The following TENM2 variants were observed in gnomAD, a reference collection of about 807,000 sequenced individuals.
TENM2 encodes the protein teneurin-2.
TENM2 carries 52 observed loss-of-function variants against 245.2 expected under a neutral mutation model. The observed-to-expected ratio is 0.21, with a 90% CI of 0.17 to 0.27. TENM2 has a LOEUF of 0.27. TENM2 is among the 10% of genes least tolerant of loss of function. The probability of loss-of-function intolerance (pLI) is 1.00; values close to 1 mark genes in which losing one functional copy is unlikely to be tolerated. For missense variants in TENM2, 3,046 were observed against 3,666.8 expected, an observed-to-expected ratio of 0.83 and a Z score of 4.37; for synonymous variants, 1,363 against 1,438.9, an observed-to-expected ratio of 0.95 and a Z score of 1.19.
At chr5:167,909,068 CTTTT>C (rs66529660) in intron 3 of TENM2, among the ~76,000 whole-genome samples, 1 of 135,532 alleles carries the variant, frequency 7.4e-6, no homozygotes, top group Non-Finnish European at 1.6e-5. Flanking sequence ...TTTTCTCTCT[CTTTT>C]TTTTTTTTTT....
chr5:167,163,299 T>C, the TENM2 span, among the ~76,000 whole-genome samples: 22,864 of 152,062 alleles, frequency 0.15, 4,856 homozygotes, highest in African/African-American at 0.46. Context: ...GTGATGTTGC[T>C]CAGGCTGGTC....
chr5:167,335,559 C>G (rs1757706454), intron 1 of TENM2, among the ~76,000 whole-genome samples: 1 of 152,124 alleles, frequency 6.6e-6, no homozygotes, highest in African/African-American at 2.4e-5. Context: ...AGAATAAAGC[C>G]TAGTTTATCA....
At chr5:167,479,251 A>T (rs1301816253) in intron 2 of TENM2, among the ~76,000 whole-genome samples, 1 of 152,196 alleles carries the variant, frequency 6.6e-6, no homozygotes, top group African/African-American at 2.4e-5. Flanking sequence ...GCTGGATTTT[A>T]TTCTACTCAA....
At chr5:167,249,347 T>C in the TENM2 span, among the ~76,000 whole-genome samples, 1 of 152,214 alleles carries the variant, frequency 6.6e-6, no homozygotes, top group African/African-American at 2.4e-5. Flanking sequence ...TTATGGCAGC[T>C]GGCTATGCCA....
the TENM2 span, among the ~76,000 whole-genome samples, chr5:167,094,020 A>G: frequency 3.9e-5 from 6 of 152,224 alleles, no homozygotes; most frequent in Non-Finnish European, 7.3e-5. Flanking sequence ...TTAACAGACA[A>G]TAAGAATAAA....
At chr5:167,871,062 T>C (rs1459395023) in intron 2 of TENM2, among the ~76,000 whole-genome samples, 1 of 152,140 alleles carries the variant, frequency 6.6e-6, no homozygotes, top group African/African-American at 2.4e-5. Context: ...GAGATTGTAG[T>C]CCTTTGGTCT....
At chr5:167,455,372 T>C (rs1323606243) in intron 2 of TENM2, among the ~76,000 whole-genome samples, 1 of 152,060 alleles carries the variant, frequency 6.6e-6, no homozygotes, top group Non-Finnish European at 1.5e-5. Flanking sequence ...ATATCGAATT[T>C]CCTGAAAAAG....
At chr5:167,954,890 C>T (rs921981297) in intron 4 of TENM2, among the ~76,000 whole-genome samples, 4 of 152,130 alleles carry the variant, frequency 2.6e-5, no homozygotes, top group Non-Finnish European at 4.4e-5. Flanking sequence ...GGGTTGGTTC[C>T]AAGTCTCTGC....
intron 2 of TENM2, among the ~76,000 whole-genome samples, chr5:167,704,506 C>T (rs780753213): frequency 2.6e-5 from 4 of 151,944 alleles, no homozygotes; most frequent in Non-Finnish European, 5.9e-5. Flanking sequence ...AATGTTTCAC[C>T]CTCCTGCATC....
At chr5:168,091,561 A>G (rs1402187878) in intron 8 of TENM2, among the ~76,000 whole-genome samples, 1 of 152,248 alleles carries the variant, frequency 6.6e-6, no homozygotes, top group African/African-American at 2.4e-5. Flanking sequence ...GGGATTTTTA[A>G]TCTTCTCCTG....
intron 12 of TENM2, among the ~76,000 whole-genome samples, chr5:168,147,123 A>G (rs952941513): frequency 2.6e-5 from 4 of 152,270 alleles, no homozygotes; most frequent in African/African-American, 7.2e-5. Context: ...TTGACTTTCT[A>G]TCAGAGTTCA....
At chr5:167,678,736 C>T (rs768542600) in intron 2 of TENM2, among the ~76,000 whole-genome samples, 1 of 152,064 alleles carries the variant, frequency 6.6e-6, no homozygotes, top group East Asian at 1.9e-4. Context: ...GCAGACAAGA[C>T]GCCTTCTCTC....
At chr5:168,168,419 C>A (rs781162828) in intron 13 of TENM2, among the ~76,000 whole-genome samples, 1 of 152,152 alleles carries the variant, frequency 6.6e-6, no homozygotes, top group Non-Finnish European at 1.5e-5. Context: ...GTGGCTCACG[C>A]CCGTAATCCT....
chr5:167,650,837 G>C (rs1411112847), intron 2 of TENM2, among the ~76,000 whole-genome samples: 1 of 152,140 alleles, frequency 6.6e-6, no homozygotes, highest in Non-Finnish European at 1.5e-5. Context: ...GATCTGTGAA[G>C]GCAAGCCAGT....
At chr5:167,911,714 G>T (rs964716226) in intron 3 of TENM2, among the ~76,000 whole-genome samples, 12 of 152,082 alleles carry the variant, frequency 7.9e-5, no homozygotes, top group Non-Finnish European at 1.2e-4. Context: ...AGTCATTCAC[G>T]CAGCGAATAT....
chr5:167,729,460 C>A, intron 2 of TENM2, among the ~76,000 whole-genome samples: 1 of 151,926 alleles, frequency 6.6e-6, no homozygotes, highest in East Asian at 1.9e-4. Context: ...AAATTAATAC[C>A]CTTATTTAGC....
At chr5:168,000,079 A>G (rs1200797313) in intron 5 of TENM2, among the ~76,000 whole-genome samples, 6 of 152,168 alleles carry the variant, frequency 3.9e-5, no homozygotes, top group Non-Finnish European at 8.8e-5. Flanking sequence ...ATCCATCCAG[A>G]AGCAGTAATA....
At chr5:167,452,932 TATATATATATA>T (rs1392740750) in intron 2 of TENM2, among the ~76,000 whole-genome samples, 1 of 14,078 alleles carries the variant, frequency 7.1e-5, no homozygotes, top group Middle Eastern at 0.045. Flanking sequence ...AAGTATGATT[TATATATATATA>T]TATATATATA....
chr5:167,875,915 C>A, intron 2 of TENM2, 71 bp from the exon 5 acceptor site: 6 of 943,522 alleles, frequency 6.4e-6, no homozygotes, highest in Non-Finnish European at 8.2e-6. Flanking sequence ...GAGCTGGTTT[C>A]AATGTAACTT....
Sources: gnomAD v4.1 joint callset for allele counts (sites outside exome capture counted in the v4.1 genomes callset) on GRCh38, gnomAD v4.1.1 for gene constraint, MANE v1.5 for transcripts, NCBI Gene and HGNC (gene_info 2026-07-23, HGNC 2026-07-21) for gene names.